Variants in NSMCE1 observed in about 807,000 individuals in gnomAD.
NSMCE1 encodes the protein non-structural maintenance of chromosomes element 1 homolog.
NSMCE1 carries 18 observed loss-of-function variants against 29.6 expected under a neutral mutation model. The ratio of observed to expected loss-of-function variants is 0.61; its 90% CI spans 0.42 to 0.90. The LOEUF (loss-of-function observed/expected upper bound fraction) is 0.90. Among genes scored for constraint, NSMCE1 ranks in the 40% least tolerant of loss-of-function variants. The probability of loss-of-function intolerance (pLI) is 0.00; values close to 1 mark genes in which losing one functional copy is unlikely to be tolerated. For missense variants in NSMCE1, 314 were observed against 343.6 expected (o/e 0.91, Z 0.68); for synonymous variants, 124 against 133.4 (o/e 0.93, Z 0.49).
At chr16:27,246,301 A>G (rs1262485517) in intron 2 of NSMCE1, among the ~76,000 whole-genome samples, 1 of 152,212 alleles carries the variant, frequency 6.6e-6, no homozygotes, top group African/African-American at 2.4e-5. Context: ...ATTTTTACCT[A>G]ACTTGTCCTT....
rs1443868032 is a variant in NSMCE1, at chr16:27,232,676, A to C, written c.483+325T>G. Reference sequence around the variant, plus strand: ...GACCCGGGTTAGATGTTAGAGCCACACTCTCAGCCACGGAACTGCCCTGCC... The same window carrying C: ...GACCCGGGTTAGATGTTAGAGCCACCCTCTCAGCCACGGAACTGCCCTGCC... On this transcript the variant is annotated intron_variant, in intron 5 of 7. Coordinates refer to ENST00000361439, the MANE Select transcript of NSMCE1 (RefSeq NM_145080.4). The surrounding 1 kb of genome is among the most constrained non-coding windows in gnomAD (Gnocchi z 4.5). 3.9e-5 allele frequency among the ~76,000 whole-genome samples: 6 copies of C among 152,078 alleles called. No homozygotes were observed. The highest frequency in any genetic ancestry group is 8.8e-5 in the Non-Finnish European group (6 of 68,022).
rs923483220 is a variant in NSMCE1, at chr16:27,266,954, A to T, written c.-12+1752T>A. On this transcript the variant is annotated intron_variant, in intron 1 of 7. Transcript: ENST00000361439. ...GAAAAAAGGAGAAAAAAAATGGGAG[A>T]AAAATTGGTTTTAATCCCATGTATA... 3.9e-5 allele frequency among the ~76,000 whole-genome samples: 6 copies of T among 152,268 alleles called. No homozygotes were observed. In the South Asian group the frequency reaches 1.2e-3, roughly 32 times the overall value.
chr16:27,251,039 C>A (rs1051234917), intron 2 of NSMCE1, among the ~76,000 whole-genome samples: 2 of 148,062 alleles, frequency 1.4e-5, no homozygotes, highest in Admixed American at 6.7e-5. Flanking sequence ...CGGGGTTTCT[C>A]CATGTTGGTC....
intron 2 of NSMCE1, among the ~76,000 whole-genome samples, chr16:27,239,844 T>G (rs141865783): frequency 1.6e-3 from 250 of 152,320 alleles, no homozygotes; most frequent in Non-Finnish European, 3.0e-3. Flanking sequence ...GTGTTCTCTC[T>G]ACTTGGAAGA....
chr16:27,233,892 G>C (rs913047305), intron 4 of NSMCE1: 3 of 352,196 alleles, frequency 8.5e-6, no homozygotes. Flanking sequence ...ATGGCACTTG[G>C]AGCAGCCAGG....
chr16:27,238,134 G>A (rs982035485), intron 2 of NSMCE1, among the ~76,000 whole-genome samples: 1 of 152,216 alleles, frequency 6.6e-6, no homozygotes, highest in Non-Finnish European at 1.5e-5. Context: ...CAGCAACAGA[G>A]GTGGCGTGGT....
At chr16:27,238,871 C>CA (rs1289185847) in intron 2 of NSMCE1, among the ~76,000 whole-genome samples, 3 of 149,386 alleles carry the variant, frequency 2.0e-5, no homozygotes, top group Admixed American at 2.0e-4. Flanking sequence ...CATCCCGACA[C>CA]ATTTTTTTTT....
chr16:27,225,867 G>A, intron 6 of NSMCE1, 21 bp from the exon 7 acceptor site: 2 of 1,613,336 alleles, frequency 1.2e-6, no homozygotes, highest in Non-Finnish European at 1.7e-6. Flanking sequence ...AAAGGCCAAT[G>A]ACGGCGGAGC....
chr16:27,230,453 A>C (rs1400884219), intron 5 of NSMCE1: 1 of 152,284 alleles, frequency 6.6e-6, no homozygotes, highest in East Asian at 1.9e-4. Flanking sequence ...ATTCCTCCAG[A>C]GTGCCGCAGA....
chr16:27,234,791 G>A (rs1288562264), intron 3 of NSMCE1, among the ~76,000 whole-genome samples: 3 of 152,194 alleles, frequency 2.0e-5, no homozygotes, highest in African/African-American at 4.8e-5. Context: ...TCCCACTCCT[G>A]TATTTCACCC....
At chr16:27,259,217 C>T (rs145275146) in intron 1 of NSMCE1, among the ~76,000 whole-genome samples, 1 of 152,246 alleles carries the variant, frequency 6.6e-6, no homozygotes, top group Non-Finnish European at 1.5e-5. Flanking sequence ...CTCCTTAGCC[C>T]CTTTCCTCTC....
chr16:27,251,207 T>TGTATGTATATATAA, intron 2 of NSMCE1, among the ~76,000 whole-genome samples: 1 of 70,764 alleles, frequency 1.4e-5, no homozygotes, highest in African/African-American at 5.5e-5. Flanking sequence ...TATATATATA[T>TGTATGTATATATAA]AAAACTCTGT....
chr16:27,260,927 G>A (rs986163332), intron 1 of NSMCE1, among the ~76,000 whole-genome samples: 4 of 150,490 alleles, frequency 2.7e-5, no homozygotes, highest in African/African-American at 7.4e-5. Context: ...AGCACTTTGA[G>A]AGGCCAAGGC....
At chr16:27,237,166 A>T (rs2083834728) in intron 2 of NSMCE1, among the ~76,000 whole-genome samples, 1 of 152,264 alleles carries the variant, frequency 6.6e-6, no homozygotes, top group Non-Finnish European at 1.5e-5. Context: ...AGGCAGTTTA[A>T]ATTAAAAAGT....
chr16:27,229,596 C>CA (rs1567272208), intron 5 of NSMCE1, among the ~76,000 whole-genome samples: 1 of 152,156 alleles, frequency 6.6e-6, no homozygotes, highest in African/African-American at 2.4e-5. Flanking sequence ...TTATTTGAGA[C>CA]AGAGTTTCGC....
At chr16:27,225,882 G>A in intron 6 of NSMCE1, 36 bp from the exon 7 acceptor site, 1 of 1,611,472 alleles carries the variant, frequency 6.2e-7, no homozygotes, top group Non-Finnish European at 8.5e-7. Context: ...CGGAGCTGGT[G>A]CACACCTCCA....
intron 2 of NSMCE1, among the ~76,000 whole-genome samples, chr16:27,246,762 T>C (rs2083962630): frequency 6.6e-6 from 1 of 152,192 alleles, no homozygotes; most frequent in African/African-American, 2.4e-5. Flanking sequence ...ACTGCTGGGA[T>C]TACAGGCATC....
intron 5 of NSMCE1, among the ~76,000 whole-genome samples, chr16:27,230,086 T>C (rs2083746847): frequency 1.4e-5 from 2 of 147,214 alleles, no homozygotes; most frequent in East Asian, 2.0e-4. Flanking sequence ...AGTCCTGGGG[T>C]GTATGGAGGT....
intron 1 of NSMCE1, among the ~76,000 whole-genome samples, chr16:27,264,240 G>A (rs898839782): frequency 6.6e-6 from 1 of 152,150 alleles, no homozygotes; most frequent in African/African-American, 2.4e-5. Context: ...GGGCATGATG[G>A]TATGCACCTG....
Sources: gnomAD v4.1 joint callset for allele counts (sites outside exome capture counted in the v4.1 genomes callset) on GRCh38, gnomAD v4.1.1 for gene constraint, Gnocchi (gnomAD v3.1) non-coding constraint, MANE v1.5 for transcripts, NCBI Gene and HGNC (gene_info 2026-07-23, HGNC 2026-07-21) for gene names.